The following FAM76A variants were observed in gnomAD, a reference collection of about 807,000 sequenced individuals.
FAM76A encodes protein FAM76A.
FAM76A carries 32 observed loss-of-function variants against 46.2 expected under a neutral mutation model. The observed-to-expected ratio is 0.69, with a 90% CI of 0.52 to 0.93. The LOEUF (loss-of-function observed/expected upper bound fraction) is 0.93. Ranked by LOEUF, FAM76A falls within the 40% of genes least tolerant of loss-of-function variation. The pLI is 0.00. For synonymous variants in FAM76A, 137 were observed against 127.0 expected (o/e 1.08, Z -0.53); for missense variants, 274 against 361.5 (o/e 0.76, Z 1.96).
chr1:27,744,947 G>A, intron 5 of FAM76A, 136 bp downstream of exon 5: 1 of 769,974 alleles, frequency 1.3e-6, no homozygotes, highest in Non-Finnish European at 2.0e-6. Flanking sequence ...GTAGGAGGAA[G>A]CTCATTTGTC....
intron 4 of FAM76A, among the ~76,000 whole-genome samples, chr1:27,736,779 A>G (rs2088052895): frequency 6.6e-6 from 1 of 150,906 alleles, no homozygotes; most frequent in Middle Eastern, 3.5e-3. Context: ...TATTTTTTAA[A>G]TTTTTGTATT....
chr1:27,750,213 G>T (rs1357883600), intron 6 of FAM76A, among the ~76,000 whole-genome samples: 1 of 152,160 alleles, frequency 6.6e-6, no homozygotes, highest in Non-Finnish European at 1.5e-5. Context: ...GACTGATTTT[G>T]TTTATTTAGA....
chr1:27,740,787 G>A (rs550297900), intron 4 of FAM76A, among the ~76,000 whole-genome samples: 2 of 152,242 alleles, frequency 1.3e-5, no homozygotes, highest in East Asian at 1.9e-4. Context: ...TATTCTAAGA[G>A]GTTACAAATT....
chr1:27,741,537 A>G (rs959055169), intron 4 of FAM76A, among the ~76,000 whole-genome samples: 2 of 152,126 alleles, frequency 1.3e-5, no homozygotes, highest in Non-Finnish European at 2.9e-5. Flanking sequence ...AGGAGGGCAT[A>G]TTAGCTACAC....
rs904848549 is a variant in FAM76A, at chr1:27,732,750, T to G, written c.201+93T>G. On this transcript the variant is annotated intron_variant, in intron 3 of 8. Coordinates refer to ENST00000373954, the MANE Select transcript of FAM76A (RefSeq NM_152660.3). Reference sequence around the variant, plus strand: ...TACTAATGCCATTACAATATTTTTATTAGAATAAATGGTTATGTGTAATAT... The same window carrying G: ...TACTAATGCCATTACAATATTTTTAGTAGAATAAATGGTTATGTGTAATAT... The G allele has an allele frequency of 1.0e-4, 96 of 922,088 alleles. 1 individual carries two copies. The South Asian group carries it at 1.8e-3, about 17-fold the overall frequency. 57.1% of individuals were successfully genotyped at this position (922,088 alleles called of 1,614,324 possible).
At chr1:27,728,925 CTGCACTCCAGCCTGG>C (rs1362787783) in intron 2 of FAM76A, among the ~76,000 whole-genome samples, 2 of 151,282 alleles carry the variant, frequency 1.3e-5, no homozygotes, top group African/African-American at 4.9e-5. Context: ...GATTGCGCCA[CTGCACTCCAGCCTGG>C]GTGACGGGGG....
chr1:27,731,870 G>A (rs1362990809), intron 2 of FAM76A, among the ~76,000 whole-genome samples: 1 of 152,130 alleles, frequency 6.6e-6, no homozygotes, highest in Admixed American at 6.5e-5. Flanking sequence ...TGCCCAGGCT[G>A]GAGTGCAGTG....
At chr1:27,740,316 G>A in intron 4 of FAM76A, 2 of 879,842 alleles carry the variant, frequency 2.3e-6, no homozygotes, top group South Asian at 2.6e-5. Context: ...AGGAACTACA[G>A]TTGAGTATTT....
intron 6 of FAM76A, among the ~76,000 whole-genome samples, chr1:27,750,861 C>A (rs1421569288): frequency 6.6e-6 from 1 of 152,180 alleles, no homozygotes; most frequent in Non-Finnish European, 1.5e-5. Context: ...TGGTGTCCTC[C>A]AGAAAAGATA....
intron 4 of FAM76A, chr1:27,740,127 G>A: frequency 2.1e-6 from 1 of 471,214 alleles, no homozygotes; most frequent in Non-Finnish European, 4.1e-6. Context: ...AAAGCAGCTA[G>A]TCCAGGACCT....
intron 2 of FAM76A, among the ~76,000 whole-genome samples, chr1:27,729,313 T>TCCTC (rs2087916658): frequency 6.6e-6 from 1 of 151,804 alleles, no homozygotes; most frequent in African/African-American, 2.4e-5. Context: ...GCTCAAATGA[T>TCCTC]CCTCCCACCT....
chr1:27,758,267 C>G (rs1026910067), intron 7 of FAM76A, among the ~76,000 whole-genome samples: 1 of 152,192 alleles, frequency 6.6e-6, no homozygotes, highest in African/African-American at 2.4e-5. Context: ...GACTGGAAGT[C>G]TTTCTGACTC....
rs200030883 is a variant in FAM76A at position 27,748,055 on chromosome 1, AAAT to A, written c.513-1007_513-1005del. ...ATCTTGAGCTATTTCTGTACAGTAG[AAAT>A]AATAACTTATCTATACCTCACAGAA... On this transcript the variant is annotated intron_variant, in intron 5 of 8. Coordinates refer to ENST00000373954, the MANE Select transcript of FAM76A (RefSeq NM_152660.3). Among the ~76,000 whole-genome samples the A allele has an allele frequency of 7.6e-4, 116 of 152,252 alleles. 1 individual carries two copies. The East Asian group carries it at 8.3e-3, about 11-fold the overall frequency.
intron 4 of FAM76A, 92 bp from the exon 5 acceptor site, chr1:27,744,562 G>A: frequency 7.3e-7 from 1 of 1,374,332 alleles, no homozygotes; most frequent in East Asian, 2.3e-5. Context: ...TTCAGAACTG[G>A]GACTGAACCC....
rs767976275 is a variant in FAM76A, at chr1:27,727,526, C to T, written c.136C>T (p.Gln46Ter). ...GTGCACCTACTGCAGGACTGAGTAC[C>T]AGCAGGAGAGGTAGAGTTTTGTTGA... ...VKCTYCRTEY[Q>*]QESKTNTICK... Residue 46 changes from glutamine (Q) to a stop codon, truncating the protein, a stop_gained, in exon 2 of 9, where the codon CAG becomes TAG. Transcript: ENST00000373954. LOFTEE classifies it high-confidence loss of function. 1.9e-6 allele frequency: 3 copies of T among 1,613,346 alleles called. No individual in the cohort carries two copies. The highest frequency in any genetic ancestry group is 8.5e-7 in the Non-Finnish European group (1 of 1,179,354).
chr1:27,728,359 CT>C (rs61625983), intron 2 of FAM76A, among the ~76,000 whole-genome samples: 3,376 of 152,132 alleles, frequency 0.022, 111 homozygotes, highest in African/African-American at 0.075. Context: ...GGGCAAATCT[CT>C]TTTTTTGTTT....
intron 2 of FAM76A, among the ~76,000 whole-genome samples, chr1:27,729,489 C>T (rs1428112657): frequency 6.6e-6 from 1 of 151,328 alleles, no homozygotes; most frequent in Non-Finnish European, 1.5e-5. Flanking sequence ...GAATTACAGG[C>T]GTGACCGACC....
intron 4 of FAM76A, among the ~76,000 whole-genome samples, chr1:27,738,640 T>A (rs902507505): frequency 5.9e-5 from 9 of 152,140 alleles, no homozygotes; most frequent in Admixed American, 5.9e-4. Flanking sequence ...GTTCCAGGTA[T>A]TAGAAATAAA....
rs1426250471 is a variant in FAM76A at position 27,726,046 on chromosome 1, G to T, written c.-35G>T. The T allele has an allele frequency of 1.5e-5, 19 of 1,251,270 alleles. No homozygotes were observed. In the East Asian group the frequency reaches 5.1e-4, roughly 34 times the overall value. The allele number at this position is 1,251,270 out of a possible 1,614,324, so 77.5% of individuals were successfully genotyped here. The stretch of plus-strand genomic sequence containing the variant: ...GACTGTCAGATAAATCGGCGGGCCG[G>T]GCCGGCGGGTCGGTGAGCGCGGCCC... On this transcript the variant is annotated 5_prime_UTR_variant, in exon 1 of 9. Transcript: ENST00000373954.
Sources: allele counts gnomAD v4.1 joint callset (sites outside exome capture counted in the v4.1 genomes callset), GRCh38; gene constraint gnomAD v4.1.1; transcripts MANE v1.5; gene names NCBI Gene and HGNC (gene_info 2026-07-23, HGNC 2026-07-21).